Variants in CERKL observed in about 807,000 individuals in gnomAD.
The protein encoded by CERKL is ceramide kinase-like protein.
A neutral mutation model predicts 63.4 loss-of-function variants in CERKL; 61 were observed. The observed-to-expected ratio is 0.96, with a 90% CI of 0.78 to 1.19. CERKL has a LOEUF of 1.19. Among genes scored for constraint, CERKL ranks in the 50% most tolerant of loss-of-function variants. The probability of loss-of-function intolerance (pLI) is 0.00; values close to 1 mark genes in which losing one functional copy is unlikely to be tolerated. For synonymous variants in CERKL, 250 were observed against 230.5 expected, an observed-to-expected ratio of 1.08 and a Z score of -0.77; for missense variants, 675 against 655.5, an observed-to-expected ratio of 1.03 and a Z score of -0.33.
chr2:181,563,309 C>T (rs1449255), intron 4 of CERKL, among the ~76,000 whole-genome samples: 51,458 of 151,746 alleles, frequency 0.34, 9,251 homozygotes, highest in South Asian at 0.64. Flanking sequence ...CACAAGATGT[C>T]TCATAGAAAC....
intron 1 of CERKL, among the ~76,000 whole-genome samples, chr2:181,614,162 A>C (rs952188937): frequency 1.3e-5 from 2 of 152,192 alleles, no homozygotes; most frequent in Admixed American, 1.3e-4. Context: ...GAGAGAGCTA[A>C]AGCAGAAGGC....
At position 181,556,490 on chromosome 2, in the gene CERKL, G is replaced by A. The variant is rs1018384183; in HGVS notation, c.820+2076C>T. Among the ~76,000 whole-genome samples, 12 of 152,058 alleles carry A rather than the reference G, an allele frequency of 7.9e-5. No individual in the cohort carries two copies. In the South Asian group the frequency reaches 1.0e-3, roughly 13 times the overall value. On this transcript the variant is annotated intron_variant, in intron 5 of 12. Transcript: ENST00000410087. The stretch of plus-strand genomic sequence containing the variant: ...TTCCCACCTATGAGTGAGAACATGC[G>A]GTGTTTCGTTTTTTGTCCTTGTGAT...
intron 1 of CERKL, among the ~76,000 whole-genome samples, chr2:181,618,793 T>A (rs1305661552): frequency 1.3e-5 from 2 of 152,220 alleles, no homozygotes; most frequent in Non-Finnish European, 2.9e-5. Context: ...ATAACTTAAA[T>A]AAATGGTCTT....
rs961846112 is a variant in CERKL, at chr2:181,538,080, T to A, written c.*104A>T. 1 of 772,162 alleles carries A rather than the reference T, an allele frequency of 1.3e-6. No individual in the cohort carries two copies. The highest frequency in any genetic ancestry group is 2.3e-6 in the Non-Finnish European group (1 of 432,990). 47.8% of individuals were successfully genotyped at this position (772,162 alleles called of 1,614,324 possible). ...CCATCCACGGAAAAATTGTCTTCCA[T>A]GAAACTGGTCCCAAAAAGGGTGGGG... On this transcript the variant is annotated 3_prime_UTR_variant, in exon 13 of 13. Coordinates refer to ENST00000410087, the MANE Select transcript of CERKL (RefSeq NM_201548.5).
intron 1 of CERKL, among the ~76,000 whole-genome samples, chr2:181,608,094 T>C (rs1377797241): frequency 6.6e-5 from 10 of 152,076 alleles, no homozygotes; most frequent in African/African-American, 2.4e-4. Flanking sequence ...AGCCCTGAAC[T>C]CCTGGGCTCA....
rs148109138 is a variant in CERKL, at chr2:181,566,116, C to A, written c.619G>T (p.Glu207Ter). 2 of 1,610,128 alleles carry A rather than the reference C, an allele frequency of 1.2e-6. No homozygotes were observed. The highest frequency in any genetic ancestry group is 1.1e-5 in the South Asian group (1 of 90,990). ...AGIKTDVTIMEYEGHALSLLK... is the reference protein window; with the variant it reads ...AGIKTDVTIM ...AGTGACAGAGCGTGCCCTTCATATT[C>A]CATTACTATTAAAAAAACACACACA... The change falls in exon 4 of 13, where the codon GAA (glutamate) becomes TAA (stop). Residue 207 changes from glutamate (E) to a stop codon, truncating the protein, a stop_gained. Coordinates refer to ENST00000410087, the MANE Select transcript of CERKL (RefSeq NM_201548.5). LOFTEE classifies it high-confidence loss of function.
chr2:181,598,081 G>A, intron 2 of CERKL, among the ~76,000 whole-genome samples: 1 of 152,156 alleles, frequency 6.6e-6, no homozygotes, highest in East Asian at 1.9e-4. Flanking sequence ...CCCACTGGGG[G>A]CCAGCACAGG....
chr2:181,543,245 A>G (rs1687585929), intron 11 of CERKL, among the ~76,000 whole-genome samples: 1 of 152,240 alleles, frequency 6.6e-6, no homozygotes, highest in Admixed American at 6.5e-5. Flanking sequence ...CAATGAATAT[A>G]TAGTGCTTTG....
At chr2:181,577,814 A>G (rs1315752283) in intron 2 of CERKL, among the ~76,000 whole-genome samples, 1 of 152,154 alleles carries the variant, frequency 6.6e-6, no homozygotes, top group Non-Finnish European at 1.5e-5. Flanking sequence ...TCTTGTCCCA[A>G]GCACATAGAG....
At chr2:181,542,887 A>C (rs1687572595) in intron 11 of CERKL, among the ~76,000 whole-genome samples, 1 of 151,104 alleles carries the variant, frequency 6.6e-6, no homozygotes, top group Non-Finnish European at 1.5e-5. Flanking sequence ...AATCAGAAGA[A>C]AGGTATATTG....
At chr2:181,582,846 G>A (rs980914070) in intron 2 of CERKL, among the ~76,000 whole-genome samples, 5 of 152,052 alleles carry the variant, frequency 3.3e-5, no homozygotes, top group East Asian at 1.9e-4. Context: ...ACCTGGCCTC[G>A]TCAACATATG....
intron 1 of CERKL, among the ~76,000 whole-genome samples, chr2:181,616,843 A>C (rs1267857038): frequency 1.3e-5 from 2 of 152,234 alleles, no homozygotes; most frequent in African/African-American, 4.8e-5. Context: ...TTTTATATAA[A>C]CAAATATTCA....
chr2:181,571,328 T>C (rs1031786600), intron 3 of CERKL, among the ~76,000 whole-genome samples: 1 of 152,138 alleles, frequency 6.6e-6, no homozygotes, highest in African/African-American at 2.4e-5. Context: ...TTACGGAATA[T>C]TCTATTGTTT....
intron 2 of CERKL, among the ~76,000 whole-genome samples, chr2:181,590,311 T>C (rs1684939524): frequency 6.6e-6 from 1 of 151,934 alleles, no homozygotes; most frequent in Admixed American, 6.6e-5. Context: ...CTAATGTTCT[T>C]CTATTTTTAG....
In CERKL at chr2:181,537,823, G is replaced by A. The variant is rs1559064942; in HGVS notation, c.*361C>T. ...ACTTTTAAAGCCCTAGAGGCTAATT[G>A]TTAGTAACATCAATTTCTATTAGGA... On this transcript the variant is annotated 3_prime_UTR_variant, in exon 13 of 13. Coordinates refer to ENST00000410087, the MANE Select transcript of CERKL (RefSeq NM_201548.5). 4.2e-6 allele frequency: 2 copies of A among 478,866 alleles called. No homozygotes were observed. The highest frequency in any genetic ancestry group is 8.2e-6 in the Non-Finnish European group (2 of 243,604). The allele number at this position is 478,866 out of a possible 1,614,324, so 29.7% of individuals were successfully genotyped here.
chr2:181,564,861 A>G (rs920366761), intron 4 of CERKL, among the ~76,000 whole-genome samples: 21 of 152,194 alleles, frequency 1.4e-4, no homozygotes, highest in African/African-American at 5.1e-4. Context: ...GTATACTTGT[A>G]AGACAATTTT....
intron 11 of CERKL, among the ~76,000 whole-genome samples, chr2:181,543,133 C>T (rs1295511774): frequency 5.9e-5 from 9 of 152,056 alleles, no homozygotes; most frequent in East Asian, 1.9e-4. Context: ...AAAAAGGATT[C>T]GGAAAAAATT....
chr2:181,605,161 C>T (rs1041110520), intron 1 of CERKL, among the ~76,000 whole-genome samples: 6 of 152,146 alleles, frequency 3.9e-5, no homozygotes, highest in Admixed American at 1.3e-4. Context: ...ACCCTACGAC[C>T]GCCCCAACCT....
chr2:181,603,441 A>G (rs1009594877), intron 2 of CERKL, among the ~76,000 whole-genome samples: 2 of 152,232 alleles, frequency 1.3e-5, no homozygotes, highest in African/African-American at 4.8e-5. Context: ...TGCCAAAGTC[A>G]GACAAACAGT....
Sources: allele counts gnomAD v4.1 joint callset (sites outside exome capture counted in the v4.1 genomes callset), GRCh38; gene constraint gnomAD v4.1.1; transcripts MANE v1.5; gene names NCBI Gene and HGNC (gene_info 2026-07-23, HGNC 2026-07-21).